Variants in FUT8 observed in about 807,000 individuals in gnomAD.
FUT8 encodes the protein alpha-(1,6)-fucosyltransferase.
In FUT8, 29 loss-of-function variants were observed where a neutral mutation model predicts 71.3. That is an observed-to-expected ratio of 0.41 (90% confidence interval 0.30 to 0.55). FUT8 has a LOEUF of 0.55. Ranked by LOEUF, FUT8 falls within the 20% of genes least tolerant of loss-of-function variation. The probability of loss-of-function intolerance (pLI) is 0.34; values close to 1 mark genes in which losing one functional copy is unlikely to be tolerated. For missense variants in FUT8, 544 were observed against 702.1 expected, an observed-to-expected ratio of 0.77 and a Z score of 2.55; for synonymous variants, 254 against 239.3, an observed-to-expected ratio of 1.06 and a Z score of -0.57.
chr14:65,668,767 A>G (rs1892336102), intron 6 of FUT8, among the ~76,000 whole-genome samples: 3 of 152,210 alleles, frequency 2.0e-5, no homozygotes, highest in Non-Finnish European at 1.5e-5. Flanking sequence ...TTGCAAAGAC[A>G]TGGAATAAAC....
the FUT8 span, among the ~76,000 whole-genome samples, chr14:65,380,984 C>T: frequency 6.6e-6 from 1 of 152,352 alleles, no homozygotes; most frequent in South Asian, 2.1e-4. Context: ...CAGCTGCCAT[C>T]CACTGAGCCT....
At chr14:65,604,405 C>T (rs1010826235) in intron 3 of FUT8, among the ~76,000 whole-genome samples, 2 of 151,882 alleles carry the variant, frequency 1.3e-5, no homozygotes, top group African/African-American at 4.8e-5. Context: ...CAAGTACTCT[C>T]TTAGACCACA....
intron 2 of FUT8, among the ~76,000 whole-genome samples, chr14:65,527,110 G>C (rs1883533753): frequency 6.6e-6 from 1 of 152,154 alleles, no homozygotes; most frequent in Non-Finnish European, 1.5e-5. Context: ...ATGTTGGCCT[G>C]CCTTGCTAGG....
chr14:65,422,056 T>C (rs975492866), intron 1 of FUT8, among the ~76,000 whole-genome samples: 1 of 152,062 alleles, frequency 6.6e-6, no homozygotes, highest in Non-Finnish European at 1.5e-5. Context: ...TTAGAGACAT[T>C]TTGTTTGGGG....
intron 7 of FUT8, among the ~76,000 whole-genome samples, chr14:65,676,086 C>T (rs1363863789): frequency 6.6e-6 from 1 of 152,166 alleles, no homozygotes; most frequent in Non-Finnish European, 1.5e-5. Flanking sequence ...ACCCTTCTAG[C>T]TATGTGAAGC....
intron 6 of FUT8, among the ~76,000 whole-genome samples, chr14:65,644,311 G>A (rs1296869266): frequency 6.6e-6 from 1 of 151,310 alleles, no homozygotes; most frequent in Non-Finnish European, 1.5e-5. Context: ...TTTTTTTTGA[G>A]ACGGAGTCTC....
At chr14:65,735,016 T>C (rs1330505993) in intron 10 of FUT8, among the ~76,000 whole-genome samples, 1 of 152,126 alleles carries the variant, frequency 6.6e-6, no homozygotes, top group African/African-American at 2.4e-5. Context: ...GGAGCAAAAT[T>C]GCCCTGGTTG....
intron 1 of FUT8, among the ~76,000 whole-genome samples, chr14:65,443,653 G>T (rs1460706619): frequency 6.6e-6 from 1 of 151,434 alleles, no homozygotes; most frequent in Non-Finnish European, 1.5e-5. Context: ...CCAGGAGGTT[G>T]AGGCTGCAGT....
chr14:65,465,638 G>C (rs1433604824), intron 2 of FUT8, among the ~76,000 whole-genome samples: 2 of 152,206 alleles, frequency 1.3e-5, no homozygotes, highest in Non-Finnish European at 2.9e-5. Flanking sequence ...TAATTCCATT[G>C]TGGTGTGTCT....
At position 65,449,215 on chromosome 14, in the gene FUT8, A is replaced by G. The variant is rs544603469; in HGVS notation, c.-325-6406A>G. Among the ~76,000 whole-genome samples, 21 of 152,322 alleles carry G rather than the reference A, an allele frequency of 1.4e-4. 1 individual carries two copies. The highest frequency in any genetic ancestry group is 3.1e-4 in the Non-Finnish European group (21 of 68,028). ...AAGGGGAGTAGTGAATAAATTAGTT[A>G]TAACTTATTTTACTGTAAAGTAATG... On this transcript the variant is annotated intron_variant, in intron 1 of 10. Coordinates refer to ENST00000673929, the MANE Select transcript of FUT8 (RefSeq NM_001371533.1).
intron 3 of FUT8, among the ~76,000 whole-genome samples, chr14:65,606,837 G>C (rs1300649534): frequency 6.6e-6 from 1 of 151,578 alleles, no homozygotes; most frequent in Non-Finnish European, 1.5e-5. Context: ...AAATCCTTTT[G>C]GAATTTTTAT....
intron 1 of FUT8, among the ~76,000 whole-genome samples, chr14:65,439,460 C>T (rs1446646028): frequency 6.6e-6 from 1 of 152,082 alleles, no homozygotes; most frequent in African/African-American, 2.4e-5. Context: ...CTCTGTTGGG[C>T]ACTTGAACTG....
chr14:65,410,737 A>G (rs887249834), upstream of FUT8: 1 of 152,122 alleles, frequency 6.6e-6, no homozygotes, highest in African/African-American at 2.4e-5. Flanking sequence ...AGTGTAAACT[A>G]TCATGATTAT....
intron 2 of FUT8, chr14:65,479,641 T>C (rs2066299200): frequency 6.6e-6 from 1 of 152,250 alleles, no homozygotes; most frequent in African/African-American, 2.4e-5. Context: ...CTTCCCCTTC[T>C]ATCCCCCTCC....
In FUT8 at chr14:65,638,097, C is replaced by G. The variant is rs1890653416; in HGVS notation, c.597+8491C>G. Among the ~76,000 whole-genome samples, 1 of 152,242 alleles carries G rather than the reference C, an allele frequency of 6.6e-6. No homozygotes were observed. Among genetic ancestry groups the G allele is most frequent in the East Asian group, 1.9e-4 (1 of 5,206 alleles). On this transcript the variant is annotated intron_variant, in intron 6 of 10. Coordinates refer to ENST00000673929, the MANE Select transcript of FUT8 (RefSeq NM_001371533.1). This position sits in a 1 kb window ranked among gnomAD's most constrained non-coding sequence, Gnocchi z 4.5. ...GTCGTTTCTGAGCAACACCCTGGCA[C>G]AAGGTGAAGTTCGTAACCACATTTC...
At position 65,542,615 on chromosome 14, in the gene FUT8, C is replaced by G. The variant is rs568166984; in HGVS notation, c.-227-18722C>G. On this transcript the variant is annotated intron_variant, in intron 2 of 10. Transcript: ENST00000673929. ...ATTAGCCTTTAAAGGGCTTTCATGT[C>G]TCTTGTATGAAGAGTGCATGTTTAC... Among the ~76,000 whole-genome samples, 3 of 152,238 alleles carry G rather than the reference C, an allele frequency of 2.0e-5. No individual in the cohort carries two copies. The South Asian group carries it at 6.2e-4, about 32-fold the overall frequency.
chr14:65,669,266 C>CA lies in FUT8; in HGVS notation c.626dup (p.Leu210AlafsTer4). On this transcript the variant is annotated frameshift_variant, in exon 7 of 11. Transcript: ENST00000673929. LOFTEE classifies it high-confidence loss of function. The surrounding 1 kb of genome is among the most constrained non-coding windows in gnomAD (Gnocchi z 4.5). ...AGAATCCCAAGGACTGCAGCAAAGC[C>CA]AAAAAGCTGGTGTGTAATATCAACA... 6.2e-7 allele frequency: 1 copy of CA among 1,613,524 alleles called. No individual in the cohort carries two copies. The highest frequency in any genetic ancestry group is 8.5e-7 in the Non-Finnish European group (1 of 1,179,794).
chr14:65,530,351 C>T (rs552939552), intron 2 of FUT8, among the ~76,000 whole-genome samples: 1 of 152,082 alleles, frequency 6.6e-6, no homozygotes, highest in South Asian at 2.1e-4. Flanking sequence ...TTTTCAATGT[C>T]AGATCATCAG....
chr14:65,429,050 C>T (rs2065429864), intron 1 of FUT8, among the ~76,000 whole-genome samples: 1 of 152,128 alleles, frequency 6.6e-6, no homozygotes, highest in African/African-American at 2.4e-5. Context: ...AAATAGTGTA[C>T]ATGTGTATAT....
Sources: gnomAD v4.1 joint callset for allele counts (sites outside exome capture counted in the v4.1 genomes callset) on GRCh38, gnomAD v4.1.1 for gene constraint, Gnocchi (gnomAD v3.1) non-coding constraint, MANE v1.5 for transcripts, NCBI Gene and HGNC (gene_info 2026-07-23, HGNC 2026-07-21) for gene names.